PLCE1: variants seen among roughly 807,000 people sequenced by gnomAD.
PLCE1 encodes the protein phospholipase C epsilon 1.
In PLCE1, 119 loss-of-function variants were observed where a neutral mutation model predicts 242.8. The ratio of observed to expected loss-of-function variants is 0.49; its 90% CI spans 0.42 to 0.57. The LOEUF is 0.57. PLCE1 is among the 20% of genes least tolerant of loss of function. PLCE1 has a pLI of 0.00. For synonymous variants in PLCE1, 945 were observed against 1,017.4 expected, an observed-to-expected ratio of 0.93 and a Z score of 1.35; for missense variants, 2,441 against 2,788.8, an observed-to-expected ratio of 0.88 and a Z score of 2.81.
chr10:94,156,768 T>C (rs2047446266), intron 3 of PLCE1, among the ~76,000 whole-genome samples: 1 of 152,050 alleles, frequency 6.6e-6, no homozygotes, highest in Non-Finnish European at 1.5e-5. Flanking sequence ...GCCCTCGTCT[T>C]GAAGCTATCC....
At chr10:94,311,991 C>T (rs1240695288) in intron 27 of PLCE1, among the ~76,000 whole-genome samples, 2 of 152,174 alleles carry the variant, frequency 1.3e-5, no homozygotes, top group African/African-American at 4.8e-5. Context: ...AGAGGGGCAG[C>T]TGTCACCTAG....
rs749619246 is a variant in PLCE1, at chr10:94,325,015, C to A, written c.6844C>A (p.Gln2282Lys). 1 of 1,614,152 alleles carries A rather than the reference C, an allele frequency of 6.2e-7. No individual in the cohort carries two copies. Among genetic ancestry groups the A allele is most frequent in the South Asian group, 1.1e-5 (1 of 91,082 alleles). The change falls in exon 32 of 33, where the codon CAA becomes AAA. Residue 2282 changes from glutamine to lysine, a missense_variant. By Grantham distance (53) the Gln-to-Lys change is moderately conservative. This residue lies in a region of PLCE1 where 310 missense variants were observed against 317.2 expected (regional missense o/e 0.98). Coordinates refer to ENST00000371380, the MANE Select transcript of PLCE1 (RefSeq NM_016341.4). ...TCAGCTCTTGACCTCAGAAAGTATC[C>A]AAACCAAGGAGGAGAAACCTGTGGG... is the stretch of plus-strand genomic sequence containing the variant. ...PSQLLTSESI[Q>K]TKEEKPVGGL...
At chr10:94,283,092 C>T (rs2052303373) in intron 20 of PLCE1, 1 of 152,008 alleles carries the variant, frequency 6.6e-6, no homozygotes, top group Admixed American at 6.6e-5. Context: ...TTTAAAAGGT[C>T]ATCATCACGA....
chr10:94,082,123 T>A (rs1203482630), intron 2 of PLCE1: 1 of 152,058 alleles, frequency 6.6e-6, no homozygotes, highest in Admixed American at 6.6e-5. Flanking sequence ...TAAATTAACA[T>A]TCTGAGGAAT....
chr10:94,068,584 G>A (rs1350139518), intron 2 of PLCE1, among the ~76,000 whole-genome samples: 3 of 152,082 alleles, frequency 2.0e-5, no homozygotes, highest in Admixed American at 1.3e-4. Flanking sequence ...AGGGGGTCCC[G>A]GAACCAATGT....
At chr10:94,148,284 TG>T (rs2047175191) in intron 3 of PLCE1, among the ~76,000 whole-genome samples, 1 of 151,972 alleles carries the variant, frequency 6.6e-6, no homozygotes, top group South Asian at 2.1e-4. Flanking sequence ...TGTCTCAGGA[TG>T]GGGGCTGGAG....
chr10:94,262,423 A>G (rs2051333962), intron 13 of PLCE1, 71 bp from the exon 14 acceptor site: 2 of 986,680 alleles, frequency 2.0e-6, no homozygotes, highest in Non-Finnish European at 1.6e-6. Flanking sequence ...ACTCCACACC[A>G]TTATCTCCAA....
chr10:94,122,216 G>A (rs1470981773), intron 2 of PLCE1, among the ~76,000 whole-genome samples: 1 of 152,112 alleles, frequency 6.6e-6, no homozygotes, highest in African/African-American at 2.4e-5. Flanking sequence ...TGTCTTGCAG[G>A]GAATTTGTCC....
intron 2 of PLCE1, among the ~76,000 whole-genome samples, chr10:94,086,895 TG>T (rs1189209716): frequency 6.6e-6 from 1 of 152,194 alleles, no homozygotes; most frequent in Non-Finnish European, 1.5e-5. Flanking sequence ...CTTGCCTTAC[TG>T]GGGCTATTAT....
At chr10:94,300,623 C>T (rs1223193732) in intron 24 of PLCE1, among the ~76,000 whole-genome samples, 1 of 152,172 alleles carries the variant, frequency 6.6e-6, no homozygotes, top group Admixed American at 6.5e-5. Flanking sequence ...TAATACTTTG[C>T]ACACAGTAGA....
Position 94,298,786 on chromosome 10 carries a change from T to G in PLCE1, c.5458+117T>G. On this transcript the variant is annotated intron_variant, in intron 24 of 32. Transcript: ENST00000371380. This position sits in a 1 kb window ranked among gnomAD's most constrained non-coding sequence, Gnocchi z 5.2. ...GACTGGGGCACACCATATGTGAGAGTAAAAATATGATGATGGAAAACAGAA... is the reference window on the plus strand; with the variant it reads ...GACTGGGGCACACCATATGTGAGAGGAAAAATATGATGATGGAAAACAGAA... 9.9e-7 allele frequency: 1 copy of G among 1,006,680 alleles called. No homozygotes were observed. The highest frequency in any genetic ancestry group is 1.6e-6 in the Non-Finnish European group (1 of 638,754). The allele number at this position is 1,006,680 out of a possible 1,614,324, so 62.4% of individuals were successfully genotyped here.
Position 94,298,244 on chromosome 10 carries a change from A to G in PLCE1, c.5168-135A>G. 3.8e-6 allele frequency: 3 copies of G among 784,636 alleles called. No individual in the cohort carries two copies. Among genetic ancestry groups the G allele is most frequent in the Non-Finnish European group, 6.3e-6 (3 of 472,462 alleles). 48.6% of individuals were successfully genotyped at this position (784,636 alleles called of 1,614,324 possible). On this transcript the variant is annotated intron_variant, in intron 23 of 32. Coordinates refer to ENST00000371380, the MANE Select transcript of PLCE1 (RefSeq NM_016341.4). This position sits in a 1 kb window ranked among gnomAD's most constrained non-coding sequence, Gnocchi z 5.2. The stretch of plus-strand genomic sequence containing the variant: ...TTGTTTTAAAGTGGCGAACTAACTC[A>G]CAAGTAAAATCCAAGAGGTATTCTG...
At position 94,268,945 on chromosome 10, in the gene PLCE1, G is replaced by A. The variant is rs776663468; in HGVS notation, c.4298G>A (p.Cys1433Tyr). ...ELYSQVLLQGCRSVELDCWDG... is the reference protein window; with the variant it reads ...ELYSQVLLQGYRSVELDCWDG... ...ATCACACAGGTCCTTTTGCAAGGCT[G>A]TCGAAGTGTAGAATTGGACTGCTGG... Residue 1433 changes from cysteine (C) to tyrosine (Y), a missense_variant, in exon 17 of 33, where the codon TGT becomes TAT. By Grantham distance (194) the Cys-to-Tyr change is radical (BLOSUM62 -2). This residue lies in a region of PLCE1 where 1,004 missense variants were observed against 1,322.7 expected (regional missense o/e 0.76). Coordinates refer to ENST00000371380, the MANE Select transcript of PLCE1 (RefSeq NM_016341.4). 1.2e-6 allele frequency: 2 copies of A among 1,611,140 alleles called. No individual in the cohort carries two copies. The highest frequency in any genetic ancestry group is 1.1e-5 in the South Asian group (1 of 91,008).
intron 4 of PLCE1, among the ~76,000 whole-genome samples, chr10:94,212,350 G>A (rs894822183): frequency 2.6e-5 from 4 of 152,052 alleles, no homozygotes; most frequent in East Asian, 1.9e-4. Flanking sequence ...TCCGCCTCCC[G>A]GGTTCACGCC....
chr10:94,264,751 A>T (rs1312709599), intron 14 of PLCE1, among the ~76,000 whole-genome samples: 5 of 151,762 alleles, frequency 3.3e-5, no homozygotes, highest in Non-Finnish European at 7.4e-5. Context: ...CGAACTCCTG[A>T]CCTCGTGATC....
chr10:94,115,746 G>T (rs1406121537), intron 2 of PLCE1, among the ~76,000 whole-genome samples: 1 of 152,114 alleles, frequency 6.6e-6, no homozygotes, highest in Non-Finnish European at 1.5e-5. Context: ...TTCTTTTGCT[G>T]GTTCTTGCAC....
intron 2 of PLCE1, among the ~76,000 whole-genome samples, chr10:94,036,119 T>C (rs1183140973): frequency 6.6e-6 from 1 of 152,198 alleles, no homozygotes; most frequent in African/African-American, 2.4e-5. Context: ...CAGTTTGACC[T>C]CTTTGTTTCT....
At chr10:94,145,182 G>T (rs1026647445) in intron 3 of PLCE1, among the ~76,000 whole-genome samples, 14 of 152,204 alleles carry the variant, frequency 9.2e-5, no homozygotes, top group Non-Finnish European at 1.5e-5. Flanking sequence ...GAAAATAAAT[G>T]ACTATTCTGA....
chr10:94,109,458 A>G (rs1353762207), intron 2 of PLCE1, among the ~76,000 whole-genome samples: 1 of 152,120 alleles, frequency 6.6e-6, no homozygotes, highest in Non-Finnish European at 1.5e-5. Context: ...AAATACAAAA[A>G]TTCGCCATGC....
Sources: allele counts gnomAD v4.1 joint callset (sites outside exome capture counted in the v4.1 genomes callset), GRCh38; gene constraint gnomAD v4.1.1; regional missense constraint gnomAD v4.1.1; non-coding constraint Gnocchi (gnomAD v3.1); transcripts MANE v1.5; gene names NCBI Gene and HGNC (gene_info 2026-07-23, HGNC 2026-07-21).